The following TMEM132D variants were observed in gnomAD, a reference collection of about 807,000 sequenced individuals.
TMEM132D encodes mature OL transmembrane protein.
In TMEM132D, 21 loss-of-function variants were observed where a neutral mutation model predicts 62.3. The observed-to-expected ratio is 0.34, with a 90% CI of 0.24 to 0.49. The LOEUF (loss-of-function observed/expected upper bound fraction) is 0.49, where lower values mean the gene tolerates loss of function less well. Ranked by LOEUF, TMEM132D falls within the 20% of genes least tolerant of loss-of-function variation. The pLI, the probability that TMEM132D is intolerant of heterozygous loss-of-function variation, is 0.99. For missense variants in TMEM132D, 1,346 were observed against 1,402.8 expected (o/e 0.96, Z 0.65); for synonymous variants, 621 against 575.6 (o/e 1.08, Z -1.13).
Position 129,667,628 on chromosome 12 carries a change from T to A in TMEM132D, c.968+32182A>T, listed in dbSNP as rs1157112046. 2.0e-5 allele frequency among the ~76,000 whole-genome samples: 3 copies of A among 152,258 alleles called. No homozygotes were observed. The East Asian group carries it at 5.8e-4, about 29-fold the overall frequency. ...CCAAAATCAAATTATAAATTATGTC[T>A]CTTTCTAACCTAATATTTTAGATTA... On this transcript the variant is annotated intron_variant, in intron 2 of 8. Transcript: ENST00000422113.
intron 3 of TMEM132D, among the ~76,000 whole-genome samples, chr12:129,482,224 T>A (rs576313198): frequency 6.6e-6 from 1 of 152,158 alleles, no homozygotes; most frequent in African/African-American, 2.4e-5. Context: ...GTTTATTGCA[T>A]CATTGTGTGT....
At chr12:129,084,367 C>A in intron 6 of TMEM132D, 130 bp downstream of exon 6, 1 of 922,216 alleles carries the variant, frequency 1.1e-6, no homozygotes, top group Non-Finnish European at 1.6e-6. Flanking sequence ...CAGAGCAAAT[C>A]CAAGCTGAGC....
chr12:129,394,635 G>A (rs73424367), intron 3 of TMEM132D, among the ~76,000 whole-genome samples: 90 of 152,374 alleles, frequency 5.9e-4, no homozygotes, highest in African/African-American at 2.1e-3. Flanking sequence ...CCGCGTAGAC[G>A]CTGGGTGGCG....
At chr12:129,577,732 A>G (rs1877716227) in intron 2 of TMEM132D, among the ~76,000 whole-genome samples, 1 of 152,102 alleles carries the variant, frequency 6.6e-6, no homozygotes, top group African/African-American at 2.4e-5. Context: ...AATTTCCACT[A>G]TGTTTATTTT....
intron 1 of TMEM132D, among the ~76,000 whole-genome samples, chr12:129,763,861 G>A (rs1367999949): frequency 6.6e-6 from 1 of 152,132 alleles, no homozygotes; most frequent in Non-Finnish European, 1.5e-5. Context: ...GAACGTAAGT[G>A]CTCAGGTAAA....
intron 3 of TMEM132D, among the ~76,000 whole-genome samples, chr12:129,502,235 G>A (rs1045573279): frequency 9.2e-5 from 14 of 151,806 alleles, no homozygotes; most frequent in Admixed American, 3.3e-4. Flanking sequence ...TCCTGACCTC[G>A]TGATCCACCC....
At chr12:129,743,073 CT>C (rs1262637305) in intron 1 of TMEM132D, among the ~76,000 whole-genome samples, 1 of 152,252 alleles carries the variant, frequency 6.6e-6, no homozygotes, top group Admixed American at 6.5e-5. Context: ...AGAATCTGCC[CT>C]CATGGCCTGG....
At chr12:129,701,611 G>GA (rs1025886859) in intron 1 of TMEM132D, among the ~76,000 whole-genome samples, 1 of 152,188 alleles carries the variant, frequency 6.6e-6, no homozygotes, top group African/African-American at 2.4e-5. Context: ...CTCAGGGGGA[G>GA]AAAAATCCAA....
chr12:129,151,262 T>A lies in TMEM132D; in HGVS notation c.1443+58258A>T, dbSNP rs117905109. Among the ~76,000 whole-genome samples the A allele has an allele frequency of 4.6e-5, 7 of 152,328 alleles. No homozygotes were observed. The East Asian group carries it at 1.2e-3, about 25-fold the overall frequency. ...GGAGTAGCTCTGGTGTCCAGCAACA[T>A]GACTCAGGCGGGGTTATTCGCCTAG... On this transcript the variant is annotated intron_variant, in intron 5 of 8. Coordinates refer to ENST00000422113, the MANE Select transcript of TMEM132D (RefSeq NM_133448.3).
chr12:129,580,573 A>G (rs1043499717), intron 2 of TMEM132D, among the ~76,000 whole-genome samples: 3 of 152,112 alleles, frequency 2.0e-5, no homozygotes, highest in African/African-American at 4.8e-5. Context: ...GCGTGGTGGC[A>G]TGCACCTGTA....
At chr12:129,610,190 T>C (rs1182318621) in intron 2 of TMEM132D, among the ~76,000 whole-genome samples, 1 of 151,390 alleles carries the variant, frequency 6.6e-6, no homozygotes. Context: ...GAGAATAGAA[T>C]TGCTTGAACC....
At chr12:129,636,940 G>A (rs1879499790) in intron 2 of TMEM132D, among the ~76,000 whole-genome samples, 1 of 151,874 alleles carries the variant, frequency 6.6e-6, no homozygotes, top group Non-Finnish European at 1.5e-5. Flanking sequence ...CCATAATAAA[G>A]AATTATGTTA....
chr12:129,302,320 G>A (rs181320216), intron 4 of TMEM132D, among the ~76,000 whole-genome samples: 1 of 152,302 alleles, frequency 6.6e-6, no homozygotes, highest in African/African-American at 2.4e-5. Flanking sequence ...TCACCATGTT[G>A]GCCAGGCTGG....
intron 3 of TMEM132D, among the ~76,000 whole-genome samples, chr12:129,341,061 G>A (rs1869464382): frequency 6.6e-6 from 1 of 152,184 alleles, no homozygotes; most frequent in South Asian, 2.1e-4. Flanking sequence ...TAGTGTGACA[G>A]TGGGAATTTG....
At chr12:129,343,570 TATA>T (rs1869579689) in intron 3 of TMEM132D, among the ~76,000 whole-genome samples, 1 of 151,870 alleles carries the variant, frequency 6.6e-6, no homozygotes, top group African/African-American at 2.4e-5. Flanking sequence ...AAACTTAAAG[TATA>T]ATAATAATAA....
intron 1 of TMEM132D, among the ~76,000 whole-genome samples, chr12:129,823,436 C>T (rs183811111): frequency 6.6e-6 from 1 of 152,204 alleles, no homozygotes; most frequent in Non-Finnish European, 1.5e-5. Context: ...CGCAGTACGC[C>T]CCTTTCATCA....
intron 2 of TMEM132D, among the ~76,000 whole-genome samples, chr12:129,552,337 A>G (rs1876921713): frequency 6.6e-6 from 1 of 152,108 alleles, no homozygotes; most frequent in South Asian, 2.1e-4. Flanking sequence ...CTGGCTACCT[A>G]TCTACTTATT....
intron 2 of TMEM132D, among the ~76,000 whole-genome samples, chr12:129,608,944 C>CTT (rs111562077): frequency 0.13 from 18,928 of 141,606 alleles, 2,098 homozygotes; most frequent in East Asian, 0.37. Context: ...TCAAATTGTT[C>CTT]TTTTTTTTTT....
At chr12:129,511,198 T>C (rs1593044218) in intron 3 of TMEM132D, among the ~76,000 whole-genome samples, 1 of 152,214 alleles carries the variant, frequency 6.6e-6, no homozygotes, top group East Asian at 1.9e-4. Flanking sequence ...CCTTCTCTTC[T>C]CTGGTCTCAG....
Sources: gnomAD v4.1 joint callset for allele counts (sites outside exome capture counted in the v4.1 genomes callset) on GRCh38, gnomAD v4.1.1 for gene constraint, MANE v1.5 for transcripts, NCBI Gene and HGNC (gene_info 2026-07-23, HGNC 2026-07-21) for gene names.